Variants in SUCLG2 observed in about 807,000 individuals in gnomAD.
SUCLG2 encodes the protein succinate--CoA ligase [GDP-forming] subunit beta, mitochondrial.
In SUCLG2, 42 loss-of-function variants were observed where a neutral mutation model predicts 47.9. The ratio of observed to expected loss-of-function variants is 0.88; its 90% CI spans 0.69 to 1.14. The LOEUF (loss-of-function observed/expected upper bound fraction) is 1.14. SUCLG2 is among the 50% of genes most tolerant of loss of function. The probability of loss-of-function intolerance (pLI) is 0.00; values close to 1 mark genes in which losing one functional copy is unlikely to be tolerated. For missense variants in SUCLG2, 571 were observed against 525.9 expected, an observed-to-expected ratio of 1.09 and a Z score of -0.84; for synonymous variants, 195 against 197.3, an observed-to-expected ratio of 0.99 and a Z score of 0.10.
chr3:67,646,978 C>G (rs774002786), intron 1 of SUCLG2, among the ~76,000 whole-genome samples: 1 of 152,170 alleles, frequency 6.6e-6, no homozygotes, highest in East Asian at 1.9e-4. Context: ...ATTACCAGGC[C>G]TACCAGGATC....
chr3:67,648,820 T>G (rs1025917343), intron 1 of SUCLG2, among the ~76,000 whole-genome samples: 3 of 152,090 alleles, frequency 2.0e-5, no homozygotes, highest in Admixed American at 6.5e-5. Context: ...TACCTCCCTC[T>G]CCCTTCTCTG....
intron 9 of SUCLG2, among the ~76,000 whole-genome samples, chr3:67,422,484 A>AAAAAAAAAAAAAAAAAC: frequency 7.0e-6 from 1 of 143,118 alleles, no homozygotes; most frequent in Non-Finnish European, 1.5e-5. Context: ...AAAAAAAAAA[A>AAAAAAAAAAAAAAAAAC]AAAAAAAAAA....
intron 10 of SUCLG2, among the ~76,000 whole-genome samples, chr3:67,399,674 A>G (rs1270249029): frequency 6.6e-6 from 1 of 152,192 alleles, no homozygotes; most frequent in Non-Finnish European, 1.5e-5. Flanking sequence ...CTGCATAATC[A>G]CAAATTTTCT....
intron 9 of SUCLG2, among the ~76,000 whole-genome samples, chr3:67,440,710 T>C (rs1703739528): frequency 1.3e-5 from 2 of 152,188 alleles, no homozygotes; most frequent in South Asian, 2.1e-4. Flanking sequence ...ATGGCGATCA[T>C]TAAAAAGTCA....
intron 2 of SUCLG2, among the ~76,000 whole-genome samples, chr3:67,542,227 AC>A (rs928356220): frequency 8.5e-5 from 13 of 152,162 alleles, no homozygotes; most frequent in African/African-American, 3.1e-4. Flanking sequence ...ATCCAGCCAA[AC>A]TAAGTTTCAT....
intron 10 of SUCLG2, among the ~76,000 whole-genome samples, chr3:67,392,029 GC>G (rs1397093587): frequency 1.3e-5 from 2 of 152,034 alleles, no homozygotes; most frequent in Non-Finnish European, 2.9e-5. Context: ...GTCAGTGCAT[GC>G]CCCTGTCCTT....
intron 9 of SUCLG2, among the ~76,000 whole-genome samples, chr3:67,442,950 G>A (rs2106915334): frequency 6.6e-6 from 1 of 152,160 alleles, no homozygotes; most frequent in East Asian, 1.9e-4. Context: ...CCCTATCCAT[G>A]GGTTCTACAT....
intron 9 of SUCLG2, among the ~76,000 whole-genome samples, chr3:67,425,340 A>G (rs937295877): frequency 6.6e-6 from 1 of 152,264 alleles, no homozygotes; most frequent in Admixed American, 6.5e-5. Flanking sequence ...ACGATAATTA[A>G]TTTTATATGT....
At chr3:67,412,958 C>T (rs72918940) in intron 9 of SUCLG2, among the ~76,000 whole-genome samples, 20 of 152,198 alleles carry the variant, frequency 1.3e-4, no homozygotes, top group Middle Eastern at 3.4e-3. Flanking sequence ...TGTTCAGTTA[C>T]CCCCTCTCCA....
rs143854421 is a variant in SUCLG2 at position 67,511,747 on chromosome 3, G to A, written c.661-2844C>T. ...AATGAGTTTAGGCATTATTCTATGA[G>A]TTTAAGAGACATCTTATTTTTTTTG... is the stretch of plus-strand genomic sequence containing the variant. On this transcript the variant is annotated intron_variant, in intron 6 of 10. Coordinates refer to ENST00000307227, the MANE Select transcript of SUCLG2 (RefSeq NM_003848.4). Among the ~76,000 whole-genome samples the A allele has an allele frequency of 6.4e-3, 970 of 152,262 alleles. 6 individuals carry two copies. Among genetic ancestry groups the A allele is most frequent in the Non-Finnish European group, 9.5e-3 (645 of 68,022 alleles).
chr3:67,367,537 C>A (rs1376114888), intron 10 of SUCLG2, among the ~76,000 whole-genome samples: 3 of 152,060 alleles, frequency 2.0e-5, no homozygotes, highest in African/African-American at 4.8e-5. Flanking sequence ...TAAATTAATA[C>A]ATATAATTGA....
chr3:67,485,897 T>C (rs1705037241), intron 9 of SUCLG2, among the ~76,000 whole-genome samples: 1 of 152,252 alleles, frequency 6.6e-6, no homozygotes, highest in South Asian at 2.1e-4. Context: ...ATCAAATCCT[T>C]CCTTTAGGGG....
chr3:67,444,150 A>G (rs1575700291), intron 9 of SUCLG2, among the ~76,000 whole-genome samples: 2 of 38,266 alleles, frequency 5.2e-5, no homozygotes, highest in African/African-American at 9.0e-5. Context: ...GCCGTCCGGG[A>G]GGGAGGTGGG....
chr3:67,476,706 G>GT (rs1468010543), intron 9 of SUCLG2, among the ~76,000 whole-genome samples: 1 of 152,068 alleles, frequency 6.6e-6, no homozygotes, highest in African/African-American at 2.4e-5. Context: ...AACTAATAAT[G>GT]TAAGATAAGA....
chr3:67,399,887 A>C (rs935046343), intron 10 of SUCLG2, among the ~76,000 whole-genome samples: 1 of 152,196 alleles, frequency 6.6e-6, no homozygotes, highest in Admixed American at 6.5e-5. Flanking sequence ...AAGAGCATTA[A>C]AAACTCCCCC....
At chr3:67,565,439 TA>T (rs1411423231) in intron 2 of SUCLG2, among the ~76,000 whole-genome samples, 1 of 152,194 alleles carries the variant, frequency 6.6e-6, no homozygotes, top group Non-Finnish European at 1.5e-5. Flanking sequence ...AACCCAATAT[TA>T]GCTATTAAAA....
chr3:67,611,790 A>C (rs1700531777), intron 1 of SUCLG2, among the ~76,000 whole-genome samples: 1 of 152,200 alleles, frequency 6.6e-6, no homozygotes, highest in Non-Finnish European at 1.5e-5. Context: ...GCTGGAAACT[A>C]ATTGCAATTG....
rs142811498 is a variant in SUCLG2, at chr3:67,429,461, G to T, written c.1063-28610C>A. On this transcript the variant is annotated intron_variant, in intron 9 of 10. Transcript: ENST00000307227. ...GCTCCTGAAGGAAGCACTAAACATG[G>T]AAAGGAATAACCGGTACCAGCCACT... Among the ~76,000 whole-genome samples, 1,051 of 152,298 alleles carry T rather than the reference G, an allele frequency of 6.9e-3. 8 individuals carry two copies. Among genetic ancestry groups the T allele is most frequent in the Middle Eastern group, 0.034 (10 of 294 alleles).
chr3:67,423,475 C>G (rs1703222040), intron 9 of SUCLG2, among the ~76,000 whole-genome samples: 1 of 152,130 alleles, frequency 6.6e-6, no homozygotes, highest in African/African-American at 2.4e-5. Context: ...CAGGGCTAAC[C>G]TGATATGAGT....
Sources: allele counts gnomAD v4.1 joint callset (sites outside exome capture counted in the v4.1 genomes callset), GRCh38; gene constraint gnomAD v4.1.1; transcripts MANE v1.5; gene names NCBI Gene and HGNC (gene_info 2026-07-23, HGNC 2026-07-21).